The following SZT2 variants were observed in gnomAD, a reference collection of about 807,000 sequenced individuals.
SZT2 encodes the protein KICSTOR complex protein SZT2.
SZT2 carries 216 observed loss-of-function variants against 404.2 expected under a neutral mutation model. The ratio of observed to expected loss-of-function variants is 0.53; its 90% confidence interval spans 0.48 to 0.60. SZT2 has a LOEUF of 0.60. SZT2 is among the 20% of genes least tolerant of loss of function. SZT2 has a pLI of 0.00. For synonymous variants in SZT2, 1,693 were observed against 1,749.9 expected (o/e 0.97, Z 0.81); for missense variants, 3,857 against 4,459.2 (o/e 0.86, Z 3.85).
chr1:43,431,152 A>C (rs1326081910), intron 33 of SZT2, 62 bp downstream of exon 33: 2 of 1,588,138 alleles, frequency 1.3e-6, no homozygotes, highest in Non-Finnish European at 1.7e-6. Context: ...CCACTAAGCG[A>C]ATCTAGAGCA....
rs1570649361 is a variant in SZT2 at position 43,426,352 on chromosome 1, A to T, written c.3044-16A>T. Reference sequence around the variant, plus strand: ...GCAGGAGGCTCTTGGTGCTGAGCAGAGTGTGTGTCGGGCAGAGCCAGAGGG... The same window carrying T: ...GCAGGAGGCTCTTGGTGCTGAGCAGTGTGTGTGTCGGGCAGAGCCAGAGGG... On this transcript the variant is annotated splice_polypyrimidine_tract_variant and intron_variant, in intron 21 of 71. Transcript: ENST00000634258. This position sits in a 1 kb window ranked among gnomAD's most constrained non-coding sequence, Gnocchi z 4.9. 3.3e-6 allele frequency: 5 copies of T among 1,531,648 alleles called. No individual in the cohort carries two copies. The African/African-American group carries it at 4.1e-5, about 13-fold the overall frequency. 94.9% of individuals were successfully genotyped at this position (1,531,648 alleles called of 1,614,324 possible).
Position 43,439,284 on chromosome 1 carries a change from C to A in SZT2, c.6793-74C>A. The A allele has an allele frequency of 6.4e-7, 1 of 1,560,528 alleles. No homozygotes were observed. The highest frequency in any genetic ancestry group is 1.1e-5 in the South Asian group (1 of 89,414). ...CCATATCTACCTGCACCACATTCCC[C>A]ACTGTGGGCACCCATCCCCGAGGGT... On this transcript the variant is annotated intron_variant, in intron 48 of 71. Transcript: ENST00000634258. The surrounding 1 kb of genome is among the most constrained non-coding windows in gnomAD (Gnocchi z 4.2).
intron 4 of SZT2, among the ~76,000 whole-genome samples, chr1:43,413,385 C>CA (rs1439220447): frequency 6.6e-6 from 1 of 152,034 alleles, no homozygotes; most frequent in South Asian, 2.1e-4. Flanking sequence ...CCATCTCAAA[C>CA]AAAAAACAAA....
rs558149095 is a variant in SZT2, at chr1:43,447,256, A to G, written c.9286+88A>G. ...AGGGCTGGTGGGACCACCTCCCTGG[A>G]CAAGTGGTCCCATGTTGTTAATCAT... On this transcript the variant is annotated intron_variant, in intron 66 of 71. Coordinates refer to ENST00000634258, the MANE Select transcript of SZT2 (RefSeq NM_001365999.1). 192 of 1,386,608 alleles carry G rather than the reference A, an allele frequency of 1.4e-4. 2 individuals are homozygous for G. The South Asian group carries it at 2.2e-3, about 16-fold the overall frequency. 85.9% of individuals were successfully genotyped at this position (1,386,608 alleles called of 1,614,324 possible).
rs778225727 is a variant in SZT2 at position 43,437,908 on chromosome 1, G to A, written c.6508+6G>A. ...CCATGGTGTTGGGCAGGCAGGTAAG[G>A]TCTGAGGAGGGGGTAGGGGAGTCGC... On this transcript the variant is annotated splice_donor_region_variant and intron_variant, in intron 46 of 71. Transcript: ENST00000634258. The surrounding 1 kb of genome is among the most constrained non-coding windows in gnomAD (Gnocchi z 5.3). The A allele has an allele frequency of 2.5e-6, 4 of 1,614,048 alleles. No homozygotes were observed. The highest frequency in any genetic ancestry group is 1.7e-5 in the Admixed American group (1 of 60,004).
intron 1 of SZT2, among the ~76,000 whole-genome samples, chr1:43,392,711 C>T (rs1648549826): frequency 1.3e-5 from 2 of 152,186 alleles, no homozygotes; most frequent in South Asian, 2.1e-4. Flanking sequence ...CCGTGCCCAG[C>T]CTAAGTTAAG....
intron 28 of SZT2, 24 bp downstream of exon 28, chr1:43,428,510 G>A: frequency 6.2e-7 from 1 of 1,608,442 alleles, no homozygotes; most frequent in Non-Finnish European, 8.5e-7. Context: ...TTGAATGATG[G>A]ATAAGGGGGT....
At chr1:43,402,046 G>T (rs1649750733) in intron 1 of SZT2, among the ~76,000 whole-genome samples, 2 of 152,136 alleles carry the variant, frequency 1.3e-5, no homozygotes. Flanking sequence ...CTCCATGCAT[G>T]TTTCCCCATT....
chr1:43,390,386 A>G (rs1375344496), intron 1 of SZT2, among the ~76,000 whole-genome samples: 1 of 152,194 alleles, frequency 6.6e-6, no homozygotes, highest in Admixed American at 6.5e-5. Context: ...AAACAGCATG[A>G]ATTTATTTAG....
intron 28 of SZT2, 178 bp downstream of exon 28, chr1:43,428,664 G>A (rs1653484169): frequency 1.2e-6 from 1 of 806,286 alleles, no homozygotes. Context: ...TTTGGCACAG[G>A]CAGCAGTCTC....
chr1:43,403,955 A>G, intron 3 of SZT2, 181 bp downstream of exon 3: 3 of 689,202 alleles, frequency 4.4e-6, no homozygotes, highest in East Asian at 5.5e-5. Context: ...CATGCCTACA[A>G]TCCCAGTGCT....
chr1:43,390,877 G>A (rs839756), intron 1 of SZT2, among the ~76,000 whole-genome samples: 1 of 152,060 alleles, frequency 6.6e-6, no homozygotes, highest in African/African-American at 2.4e-5. Flanking sequence ...TATAATGATA[G>A]AAATAGTATT....
intron 51 of SZT2, 57 bp downstream of exon 51, chr1:43,440,105 AGT>A (rs1332052285): frequency 1.1e-5 from 18 of 1,603,286 alleles, no homozygotes; most frequent in Non-Finnish European, 1.5e-5. Flanking sequence ...CAAGCAGGAC[AGT>A]GTGGCAGGTG....
At chr1:43,418,369 G>A (rs1002282527) in intron 7 of SZT2, among the ~76,000 whole-genome samples, 21 of 152,180 alleles carry the variant, frequency 1.4e-4, no homozygotes, top group Non-Finnish European at 2.4e-4. Context: ...TGACAGGAGG[G>A]CATTGTCTTA....
intron 4 of SZT2, among the ~76,000 whole-genome samples, chr1:43,408,995 A>G (rs1195048843): frequency 1.3e-5 from 2 of 152,180 alleles, no homozygotes; most frequent in Admixed American, 1.3e-4. Flanking sequence ...GGGCCACCGC[A>G]GGGACTGCTG....
chr1:43,416,685 A>T, intron 7 of SZT2, 44 bp downstream of exon 7: 1 of 1,458,002 alleles, frequency 6.9e-7, no homozygotes. Flanking sequence ...GGAATATCTC[A>T]CACAAAGTTG....
At position 43,442,718 on chromosome 1, in the gene SZT2, A is replaced by C; in HGVS notation, c.8151+100A>C. On this transcript the variant is annotated intron_variant, in intron 58 of 71. Transcript: ENST00000634258. This position sits in a 1 kb window ranked among gnomAD's most constrained non-coding sequence, Gnocchi z 4.5. Reference sequence around the variant, plus strand: ...CAGAAAGATGGGACAGACTGAGGGCAGAGGTAGTGGGGAGGGAGAGTCTGA... The same window carrying C: ...CAGAAAGATGGGACAGACTGAGGGCCGAGGTAGTGGGGAGGGAGAGTCTGA... 1 of 1,535,004 alleles carries C rather than the reference A, an allele frequency of 6.5e-7. No homozygotes were observed. The highest frequency in any genetic ancestry group is 8.7e-7 in the Non-Finnish European group (1 of 1,143,506).
chr1:43,442,068 C>T lies in SZT2; in HGVS notation c.7811C>T (p.Ala2604Val). The T allele has an allele frequency of 6.2e-7, 1 of 1,614,106 alleles. No individual in the cohort carries two copies. Residue 2604 changes from alanine to valine, a missense_variant, in exon 56 of 72, where the codon GCT becomes GTT. Ala to Val is a moderately conservative substitution (Grantham distance 64). Transcript: ENST00000634258. The surrounding 1 kb of genome is among the most constrained non-coding windows in gnomAD (Gnocchi z 4.5). The stretch of plus-strand genomic sequence containing the variant: ...CTGGGCCCCTCTCCCCGCCCTGCAG[C>T]TGAGCGGCATCTGCTGCTTCTGGGA... Reference protein sequence around the residue: ...GQLGPSPRPAAERHLLLLGRN... With the variant: ...GQLGPSPRPAVERHLLLLGRN...
At chr1:43,433,238 C>T (rs1338537753) in intron 40 of SZT2, 48 bp downstream of exon 40, 2 of 1,584,302 alleles carry the variant, frequency 1.3e-6, no homozygotes, top group Admixed American at 1.7e-5. Context: ...TTAACCTCTT[C>T]TCTCTGCTCC....
Sources: allele counts gnomAD v4.1 joint callset (sites outside exome capture counted in the v4.1 genomes callset), GRCh38; gene constraint gnomAD v4.1.1; non-coding constraint Gnocchi (gnomAD v3.1); transcripts MANE v1.5; gene names NCBI Gene and HGNC (gene_info 2026-07-23, HGNC 2026-07-21).